Variants in PCGF5 observed in about 807,000 individuals in gnomAD.
The protein encoded by PCGF5 is polycomb group RING finger protein 5.
Under a neutral mutation model 44.3 loss-of-function variants are expected in PCGF5, and 9 were observed. The observed-to-expected ratio is 0.20, with a 90% CI of 0.12 to 0.35. The LOEUF (loss-of-function observed/expected upper bound fraction) is 0.35, where lower values mean the gene tolerates loss of function less well. PCGF5 is among the 10% of genes least tolerant of loss of function. The pLI, the probability that PCGF5 is intolerant of heterozygous loss-of-function variation, is 1.00. For synonymous variants in PCGF5, 95 were observed against 102.5 expected, an observed-to-expected ratio of 0.93 and a Z score of 0.44; for missense variants, 146 against 305.3, an observed-to-expected ratio of 0.48 and a Z score of 3.89.
At chr10:91,174,463 C>T (rs1181523262) in intron 1 of PCGF5, among the ~76,000 whole-genome samples, 1 of 152,148 alleles carries the variant, frequency 6.6e-6, no homozygotes, top group East Asian at 1.9e-4. Flanking sequence ...GCTGAAATCA[C>T]ACCATTGTAC....
rs182483549 is a variant in PCGF5 at position 91,278,363 on chromosome 10, T to C, written c.*47T>C. The C allele has an allele frequency of 1.1e-5, 17 of 1,523,198 alleles. No individual in the cohort carries two copies. Among genetic ancestry groups the C allele is most frequent in the Middle Eastern group, 1.7e-4 (1 of 5,874 alleles). 94.4% of individuals were successfully genotyped at this position (1,523,198 alleles called of 1,614,324 possible). Reference sequence around the variant, plus strand: ...TGAGATGAATCCTGCACTATTTGTTTACTCGTCAACAGATTGCACAGTTAA... The same window carrying C: ...TGAGATGAATCCTGCACTATTTGTTCACTCGTCAACAGATTGCACAGTTAA... On this transcript the variant is annotated 3_prime_UTR_variant, in exon 10 of 10. Coordinates refer to ENST00000336126, the MANE Select transcript of PCGF5 (RefSeq NM_032373.5).
intron 7 of PCGF5, among the ~76,000 whole-genome samples, chr10:91,261,803 T>C (rs1410567425): frequency 6.6e-6 from 1 of 152,224 alleles, no homozygotes; most frequent in African/African-American, 2.4e-5. Context: ...CTTCAGAATG[T>C]AAAACATTGT....
intron 3 of PCGF5, among the ~76,000 whole-genome samples, chr10:91,247,647 T>C (rs1160241902): frequency 6.6e-6 from 1 of 151,852 alleles, no homozygotes; most frequent in African/African-American, 2.4e-5. Flanking sequence ...ATGAAAAAGA[T>C]GAGTTATATG....
intron 2 of PCGF5, among the ~76,000 whole-genome samples, chr10:91,233,981 T>G (rs1207799272): frequency 6.6e-6 from 1 of 152,208 alleles, no homozygotes; most frequent in Non-Finnish European, 1.5e-5. Context: ...TATTGTTTTA[T>G]CATCAGTGAT....
At chr10:91,227,347 C>T (rs903065574) in intron 2 of PCGF5, 2 of 1,135,698 alleles carry the variant, frequency 1.8e-6, no homozygotes, top group African/African-American at 3.2e-5. Context: ...CTGCAGAATC[C>T]TACTGGATGT....
chr10:91,230,632 G>T (rs1309922346), intron 2 of PCGF5, among the ~76,000 whole-genome samples: 1 of 151,960 alleles, frequency 6.6e-6, no homozygotes, highest in East Asian at 1.9e-4. Flanking sequence ...TAGAGACAGG[G>T]TCTCACTCTG....
At chr10:91,256,046 A>T (rs1171660427) in intron 6 of PCGF5, among the ~76,000 whole-genome samples, 2 of 152,066 alleles carry the variant, frequency 1.3e-5, no homozygotes, top group African/African-American at 2.4e-5. Context: ...TTGAATTCAC[A>T]AATGCAGGAC....
Position 91,239,510 on chromosome 10 carries a change from A to C in PCGF5, c.113-974A>C, listed in dbSNP as rs1300203753. 2.6e-5 allele frequency among the ~76,000 whole-genome samples: 4 copies of C among 151,882 alleles called. No individual in the cohort carries two copies. The East Asian group carries it at 7.8e-4, about 30-fold the overall frequency. The stretch of plus-strand genomic sequence containing the variant: ...CTTTTAGATAGTGTTGATCTTGAGG[A>C]GAAAGAAGTAGCTTGAAATGCAGCT... On this transcript the variant is annotated intron_variant, in intron 2 of 9. Transcript: ENST00000336126.
chr10:91,161,882 G>T (rs1589341328), upstream of PCGF5, among the ~76,000 whole-genome samples: 1 of 152,062 alleles, frequency 6.6e-6, no homozygotes, highest in East Asian at 1.9e-4. Context: ...GTTAAAAGCA[G>T]ACTCCTCTTT....
chr10:91,268,481 TC>T (rs1267513319), intron 8 of PCGF5, among the ~76,000 whole-genome samples: 3 of 152,152 alleles, frequency 2.0e-5, no homozygotes, highest in Non-Finnish European at 4.4e-5. Flanking sequence ...GGAATTGGCA[TC>T]TTTGCGGGTT....
intron 8 of PCGF5, among the ~76,000 whole-genome samples, chr10:91,271,305 G>A (rs2133449748): frequency 6.6e-6 from 1 of 152,166 alleles, no homozygotes; most frequent in Admixed American, 6.5e-5. Flanking sequence ...AGGGATGGAA[G>A]AAAGAGGATG....
chr10:91,211,303 G>T (rs548686276), intron 1 of PCGF5, among the ~76,000 whole-genome samples: 21 of 152,318 alleles, frequency 1.4e-4, no homozygotes, highest in Non-Finnish European at 2.6e-4. Context: ...TTAAGTTAAA[G>T]AATATTCTGG....
intron 1 of PCGF5, among the ~76,000 whole-genome samples, chr10:91,204,351 A>G (rs547863628): frequency 1.3e-5 from 2 of 152,210 alleles, no homozygotes; most frequent in Admixed American, 6.5e-5. Context: ...AAACCCTTAC[A>G]TTAGTCTTTC....
At chr10:91,240,899 G>GGA (rs1470254721) in intron 3 of PCGF5, among the ~76,000 whole-genome samples, 3 of 151,174 alleles carry the variant, frequency 2.0e-5, no homozygotes, top group African/African-American at 4.9e-5. Context: ...GTAGAAAGAG[G>GGA]GAGAACTCAT....
At position 91,248,579 on chromosome 10, in the gene PCGF5, T is replaced by C. The variant is rs1845533199; in HGVS notation, c.265+19T>C. 1 of 1,610,656 alleles carries C rather than the reference T, an allele frequency of 6.2e-7. No individual in the cohort carries two copies. The highest frequency in any genetic ancestry group is 1.3e-5 in the African/African-American group (1 of 74,874). ...CGAGAACGTAAGTGGCTCTTTAGGTTCTTGCAGACTTTTGTGTTTTATGAA... is the reference window on the plus strand; with the variant it reads ...CGAGAACGTAAGTGGCTCTTTAGGTCCTTGCAGACTTTTGTGTTTTATGAA... On this transcript the variant is annotated intron_variant, in intron 4 of 9. Transcript: ENST00000336126.
At chr10:91,210,365 C>T (rs747576497) in intron 1 of PCGF5, among the ~76,000 whole-genome samples, 3 of 152,204 alleles carry the variant, frequency 2.0e-5, no homozygotes, top group Non-Finnish European at 4.4e-5. Flanking sequence ...GGGTGTTTAA[C>T]GTAGCCACAC....
chr10:91,228,250 C>T (rs981253702), intron 2 of PCGF5, among the ~76,000 whole-genome samples: 13 of 152,082 alleles, frequency 8.5e-5, no homozygotes, highest in African/African-American at 3.1e-4. Context: ...TGATTTAAAA[C>T]AAAAGACTTT....
intron 9 of PCGF5, among the ~76,000 whole-genome samples, chr10:91,274,035 A>G (rs1273347109): frequency 6.6e-6 from 1 of 151,964 alleles, no homozygotes; most frequent in Non-Finnish European, 1.5e-5. Context: ...ACCTAGATTC[A>G]TCAATTAACA....
intron 1 of PCGF5, among the ~76,000 whole-genome samples, chr10:91,185,562 G>A (rs1490853914): frequency 1.3e-5 from 2 of 152,190 alleles, no homozygotes; most frequent in African/African-American, 4.8e-5. Flanking sequence ...ATGTATGGAG[G>A]TCTAACCTCC....
Sources: gnomAD v4.1 joint callset for allele counts (sites outside exome capture counted in the v4.1 genomes callset) on GRCh38, gnomAD v4.1.1 for gene constraint, MANE v1.5 for transcripts, NCBI Gene and HGNC (gene_info 2026-07-23, HGNC 2026-07-21) for gene names.